Variants in ZFC3H1 observed in about 807,000 individuals in gnomAD.
ZFC3H1 encodes the protein zinc finger C3H1-type containing.
In ZFC3H1, 71 loss-of-function variants were observed where a neutral mutation model predicts 243.7. The observed-to-expected ratio is 0.29, with a 90% confidence interval of 0.24 to 0.36. ZFC3H1 has a LOEUF of 0.36. Ranked by LOEUF, ZFC3H1 falls within the 10% of genes least tolerant of loss-of-function variation. The probability of loss-of-function intolerance (pLI) is 1.00; values close to 1 mark genes in which losing one functional copy is unlikely to be tolerated. For synonymous variants in ZFC3H1, 838 were observed against 813.0 expected, an observed-to-expected ratio of 1.03 and a Z score of -0.52; for missense variants, 1,966 against 2,317.1, an observed-to-expected ratio of 0.85 and a Z score of 3.11.
chr12:71,624,314 T>G (rs1022222092), intron 22 of ZFC3H1, 22 bp from the exon 23 acceptor site: 1 of 1,557,720 alleles, frequency 6.4e-7, no homozygotes, highest in African/African-American at 1.4e-5. Context: ...GCCTTTATAT[T>G]ATTAATGTTG....
chr12:71,657,357 CAA>C, intron 1 of ZFC3H1, 56 bp from the exon 2 acceptor site: 2 of 1,247,710 alleles, frequency 1.6e-6, no homozygotes, highest in Non-Finnish European at 2.2e-6. Flanking sequence ...TTAAATTTAA[CAA>C]AAAAACTTAG....
At chr12:71,651,993 A>T (rs73344211) in intron 2 of ZFC3H1, among the ~76,000 whole-genome samples, 1 of 152,218 alleles carries the variant, frequency 6.6e-6, no homozygotes, top group Non-Finnish European at 1.5e-5. Context: ...GAAAGTGAAA[A>T]GCTGGAATTG....
At chr12:71,616,250 T>C (rs1688439296) in intron 27 of ZFC3H1, among the ~76,000 whole-genome samples, 3 of 152,102 alleles carry the variant, frequency 2.0e-5, no homozygotes, top group African/African-American at 7.2e-5. Context: ...TGAGCTGAGA[T>C]CACACCATTG....
intron 2 of ZFC3H1, among the ~76,000 whole-genome samples, chr12:71,648,244 T>C (rs1416785931): frequency 6.6e-6 from 1 of 152,230 alleles, no homozygotes; most frequent in East Asian, 1.9e-4. Flanking sequence ...ATTGGATTTG[T>C]GCATTAGAGA....
intron 7 of ZFC3H1, among the ~76,000 whole-genome samples, chr12:71,637,359 T>C (rs1235077658): frequency 2.0e-5 from 3 of 152,164 alleles, no homozygotes; most frequent in Admixed American, 6.5e-5. Flanking sequence ...CTAGAAGATA[T>C]AGATATCAAA....
chr12:71,652,914 T>C (rs1254364762), intron 2 of ZFC3H1, among the ~76,000 whole-genome samples: 1 of 152,026 alleles, frequency 6.6e-6, no homozygotes, highest in Non-Finnish European at 1.5e-5. Flanking sequence ...GAATGCATCT[T>C]TGTCCCAGGT....
rs1173565758 is a variant in ZFC3H1 at position 71,613,128 on chromosome 12, T to C, written c.5627+207A>G. Among the ~76,000 whole-genome samples the C allele has an allele frequency of 2.0e-5, 3 of 152,306 alleles. No homozygotes were observed. The East Asian group carries it at 5.8e-4, about 29-fold the overall frequency. On this transcript the variant is annotated intron_variant, in intron 31 of 34. Coordinates refer to ENST00000378743, the MANE Select transcript of ZFC3H1 (RefSeq NM_144982.5). Reference sequence around the variant, plus strand: ...TGGAATTATTTGCCCCTTTGTAACCTGAAGTTTTCTGAAGCGACCAGAATT... The same window carrying C: ...TGGAATTATTTGCCCCTTTGTAACCCGAAGTTTTCTGAAGCGACCAGAATT...
In ZFC3H1 at chr12:71,614,601, G is replaced by T; in HGVS notation, c.5460C>A (p.Val1820=). Residue 1820 remains valine (V), a synonymous_variant, in exon 30 of 35, where the codon GTC becomes GTA. Transcript: ENST00000378743. ...TAAAAGGAATGGGGTATCGGGCAGG[G>T]ACTGTAACCAAACATCTATTCACTA... The part of the protein sequence containing the change: ...TDLVNRCLVT[V]PARYPIPFSS... The T allele has an allele frequency of 1.2e-6, 2 of 1,613,476 alleles. No individual in the cohort carries two copies. Among genetic ancestry groups the T allele is most frequent in the South Asian group, 1.1e-5 (1 of 90,986 alleles).
At chr12:71,611,139 A>G in intron 32 of ZFC3H1, 42 bp from the exon 33 acceptor site, 1 of 1,510,842 alleles carries the variant, frequency 6.6e-7, no homozygotes, top group Non-Finnish European at 8.8e-7. Flanking sequence ...AAAAAGGAAA[A>G]GAAAAATTTA....
intron 2 of ZFC3H1, among the ~76,000 whole-genome samples, chr12:71,649,434 T>C (rs1347922036): frequency 4.6e-5 from 7 of 152,218 alleles, no homozygotes; most frequent in Admixed American, 1.3e-4. Flanking sequence ...AATGCTGACA[T>C]GTTTACTTTA....
chr12:71,651,923 C>A (rs1004445140), intron 2 of ZFC3H1, among the ~76,000 whole-genome samples: 4 of 152,144 alleles, frequency 2.6e-5, no homozygotes, highest in African/African-American at 9.7e-5. Context: ...ACAGTCGTTA[C>A]CCTCAGGGTG....
intron 7 of ZFC3H1, among the ~76,000 whole-genome samples, chr12:71,637,851 T>C (rs1289586752): frequency 6.6e-6 from 1 of 152,198 alleles, no homozygotes; most frequent in East Asian, 1.9e-4. Flanking sequence ...CTAAAAATAA[T>C]GTCAAAACTT....
chr12:71,661,435 G>A (rs1046709578), intron 1 of ZFC3H1, among the ~76,000 whole-genome samples: 2 of 151,630 alleles, frequency 1.3e-5, no homozygotes, highest in Non-Finnish European at 2.9e-5. Flanking sequence ...AACCTTCTTG[G>A]AAGAACCATT....
At chr12:71,662,685 T>C (rs1001177983) in intron 1 of ZFC3H1, among the ~76,000 whole-genome samples, 10 of 152,196 alleles carry the variant, frequency 6.6e-5, no homozygotes, top group African/African-American at 2.2e-4. Flanking sequence ...CAACTTCATA[T>C]AAAACACAAA....
rs1478614147 is a variant in ZFC3H1 at position 71,615,197 on chromosome 12, A to ATG, written c.5255+7_5255+8dup. ...AGTATGCAATATCTCTCCACAGTGG[A>ATG]TGTCTCACCAGTAAATCAGCCACAA... On this transcript the variant is annotated intron_variant, in intron 28 of 34. Transcript: ENST00000378743. 1.3e-6 allele frequency: 2 copies of ATG among 1,585,796 alleles called. No individual in the cohort carries two copies. The highest frequency in any genetic ancestry group is 2.7e-5 in the African/African-American group (2 of 74,036).
In ZFC3H1 at chr12:71,663,193, C is replaced by A. The variant is rs951322173; in HGVS notation, c.418G>T (p.Ala140Ser). 1.2e-6 allele frequency: 2 copies of A among 1,613,988 alleles called. No homozygotes were observed. Among genetic ancestry groups the A allele is most frequent in the Non-Finnish European group, 1.7e-6 (2 of 1,180,048 alleles). ...CCTCGAAAGCGGAAACGGTCCAAGG[C>A]GAGGTGGCTCCGCTCCCAGAAAGAC... ...RPSFWERSHL[A>S]LDRFRFRGRP... The change falls in exon 1 of 35, where the codon GCC becomes TCC. Residue 140 changes from alanine (A) to serine (S), a missense_variant. Physicochemically the swap from Ala to Ser is moderately conservative, Grantham distance 99. This residue lies in a region of ZFC3H1 where 484 missense variants were observed against 449.7 expected (regional missense o/e 1.08). Coordinates refer to ENST00000378743, the MANE Select transcript of ZFC3H1 (RefSeq NM_144982.5).
chr12:71,663,385 A>G lies in ZFC3H1; in HGVS notation c.226T>C (p.Ser76Pro), dbSNP rs745469882. 4.2e-5 allele frequency: 68 copies of G among 1,612,332 alleles called. 2 individuals carry two copies. The South Asian group carries it at 7.1e-4, about 17-fold the overall frequency. Residue 76 changes from serine (S) to proline (P), a missense_variant, in exon 1 of 35, where the codon TCG becomes CCG. Coordinates refer to ENST00000378743, the MANE Select transcript of ZFC3H1 (RefSeq NM_144982.5). ...SGGGGGSSSS[S>P]SSSQQQLRNF... ...CTCAGCTGCTGCTGAGAAGAGGACG[A>G]TGACGAGGAAGAGCCACCGCCTCCG... is the stretch of plus-strand genomic sequence containing the variant.
chr12:71,619,251 G>A (rs1166361577), intron 27 of ZFC3H1, 64 bp downstream of exon 27: 2 of 1,437,108 alleles, frequency 1.4e-6, no homozygotes, highest in Admixed American at 2.2e-5. Context: ...GAAAAAAACT[G>A]TAATCTTTCT....
At chr12:71,647,842 A>T in intron 2 of ZFC3H1, 29 bp from the exon 3 acceptor site, 5 of 885,578 alleles carry the variant, frequency 5.6e-6, no homozygotes, top group Non-Finnish European at 8.5e-6. Flanking sequence ...TCTTTTGAAT[A>T]ATCCAAAAGA....
Sources: gnomAD v4.1 joint callset for allele counts (sites outside exome capture counted in the v4.1 genomes callset) on GRCh38, gnomAD v4.1.1 for gene constraint, gnomAD v4.1.1 regional missense constraint, MANE v1.5 for transcripts, NCBI Gene and HGNC (gene_info 2026-07-23, HGNC 2026-07-21) for gene names.